LRRN1: variants seen among roughly 807,000 people sequenced by gnomAD.
LRRN1 encodes the protein leucine rich repeat neuronal 1, also known as leucine-rich repeat neuronal protein 1.
A neutral mutation model predicts 45.8 loss-of-function variants in LRRN1; 14 were observed. The observed-to-expected ratio is 0.31, with a 90% CI of 0.20 to 0.48. The LOEUF (loss-of-function observed/expected upper bound fraction) is 0.48, where lower values mean the gene tolerates loss of function less well. LRRN1 is among the 20% of genes least tolerant of loss of function. The pLI, the probability that LRRN1 is intolerant of heterozygous loss-of-function variation, is 0.99. For missense variants in LRRN1, 789 were observed against 874.2 expected (o/e 0.90, Z 1.23); for synonymous variants, 359 against 330.1 (o/e 1.09, Z -0.95).
At chr3:3,835,528 A>G (rs1693490489) in intron 1 of LRRN1, among the ~76,000 whole-genome samples, 1 of 151,986 alleles carries the variant, frequency 6.6e-6, no homozygotes, top group Non-Finnish European at 1.5e-5. Flanking sequence ...TAATTCGAAT[A>G]CAGAACACTT....
rs544210687 is a variant in LRRN1, at chr3:3,833,926, A to G, written c.-278-10438A>G. The stretch of plus-strand genomic sequence containing the variant: ...AGTTGCAGGGTTGCATTCTTTTCCA[A>G]TCAGTGCCCTCACTTTAACAGTAGA... On this transcript the variant is annotated intron_variant, in intron 1 of 1. Coordinates refer to ENST00000319331, the MANE Select transcript of LRRN1 (RefSeq NM_020873.7). Among the ~76,000 whole-genome samples the G allele has an allele frequency of 1.7e-4, 26 of 152,228 alleles. No individual in the cohort carries two copies. The South Asian group carries it at 3.3e-3, about 19-fold the overall frequency.
At position 3,845,312 on chromosome 3, in the gene LRRN1, G is replaced by A; in HGVS notation, c.671G>A (p.Gly224Glu). 3 of 1,614,066 alleles carry A rather than the reference G, an allele frequency of 1.9e-6. No homozygotes were observed. Among genetic ancestry groups the A allele is most frequent in the Non-Finnish European group, 2.5e-6 (3 of 1,180,024 alleles). Residue 224 changes from glycine to glutamate, a missense_variant, in exon 2 of 2, where the codon GGA becomes GAA. Transcript: ENST00000319331. This position sits in a 1 kb window ranked among gnomAD's most constrained non-coding sequence, Gnocchi z 6.5. The stretch of plus-strand genomic sequence containing the variant: ...AATTTGAGAAGCTTAGTTTTGGCAG[G>A]AATGTATCTCACTGATATTCCTGGA... ...LANLRSLVLA[G>E]MYLTDIPGNA...
chr3:3,839,222 A>G (rs142713975), intron 1 of LRRN1, among the ~76,000 whole-genome samples: 1 of 152,150 alleles, frequency 6.6e-6, no homozygotes, highest in Non-Finnish European at 1.5e-5. Flanking sequence ...TTTCATGTAG[A>G]TATCCAGTTT....
At chr3:3,812,490 G>T (rs887665988) in intron 1 of LRRN1, among the ~76,000 whole-genome samples, 5 of 152,306 alleles carry the variant, frequency 3.3e-5, no homozygotes, top group African/African-American at 1.2e-4. Flanking sequence ...GTGTGGCTTA[G>T]AATAGAATAA....
chr3:3,837,797 C>T (rs756377032), intron 1 of LRRN1, among the ~76,000 whole-genome samples: 2 of 151,464 alleles, frequency 1.3e-5, no homozygotes, highest in Non-Finnish European at 2.9e-5. Flanking sequence ...TAAACGTGTG[C>T]CATGGTGGTT....
Position 3,845,432 on chromosome 3 carries a change from A to G in LRRN1, c.791A>G (p.Asn264Ser). 1 of 1,614,134 alleles carries G rather than the reference A, an allele frequency of 6.2e-7. No homozygotes were observed. Among genetic ancestry groups the G allele is most frequent in the African/African-American group, 1.3e-5 (1 of 75,026 alleles). ...CAACTTGCCCTGCAAAAAGTTCCAA[A>G]TTTGAAATTCTTAGACCTCAACAAA... ...VPQLALQKVP[N>S]LKFLDLNKNP... is the part of the protein sequence containing the mutation. The change falls in exon 2 of 2, where the codon AAT becomes AGT. Residue 264 changes from asparagine (N) to serine (S), a missense_variant. Asn to Ser is a conservative substitution (Grantham distance 46). Transcript: ENST00000319331. This position sits in a 1 kb window ranked among gnomAD's most constrained non-coding sequence, Gnocchi z 6.5.
Position 3,844,775 on chromosome 3 carries a change from C to G in LRRN1, c.134C>G (p.Thr45Ser). 3 of 1,614,118 alleles carry G rather than the reference C, an allele frequency of 1.9e-6. No homozygotes were observed. The highest frequency in any genetic ancestry group is 1.7e-6 in the Non-Finnish European group (2 of 1,180,010). The change falls in exon 2 of 2, where the codon ACC becomes AGC. Residue 45 changes from threonine to serine, a missense_variant. Physicochemically the swap from Thr to Ser is moderately conservative, Grantham distance 58. Coordinates refer to ENST00000319331, the MANE Select transcript of LRRN1 (RefSeq NM_020873.7). ...GTATGTGAAATTCGTCCCTGGTTTACCCCACAGTCAACTTACAGAGAAGCC... is the reference window on the plus strand; with the variant it reads ...GTATGTGAAATTCGTCCCTGGTTTAGCCCACAGTCAACTTACAGAGAAGCC... ...LCVCEIRPWF[T>S]PQSTYREATT...
chr3:3,844,968 C>T lies in LRRN1; in HGVS notation c.327C>T (p.Asn109=), dbSNP rs1693730383. 1.2e-6 allele frequency: 2 copies of T among 1,614,004 alleles called. No individual in the cohort carries two copies. The highest frequency in any genetic ancestry group is 1.3e-5 in the African/African-American group (1 of 74,932). ...ELDFSQNNFT[N]IKEVGLANLT... is the part of the protein sequence containing the mutation. ...ATTTCTCCCAAAACAACTTTACTAA[C>T]ATTAAGGAGGTCGGGCTGGCAAACC... Residue 109 remains asparagine (N), a synonymous_variant, in exon 2 of 2, where the codon AAC becomes AAT. Coordinates refer to ENST00000319331, the MANE Select transcript of LRRN1 (RefSeq NM_020873.7).
At chr3:3,806,005 G>C (rs981304245) in intron 1 of LRRN1, among the ~76,000 whole-genome samples, 2 of 152,158 alleles carry the variant, frequency 1.3e-5, no homozygotes, top group African/African-American at 4.8e-5. Flanking sequence ...ACTCTGCACA[G>C]AGGATTTCAA....
At chr3:3,806,558 A>G (rs1447139352) in intron 1 of LRRN1, among the ~76,000 whole-genome samples, 1 of 152,174 alleles carries the variant, frequency 6.6e-6, no homozygotes, top group African/African-American at 2.4e-5. Flanking sequence ...GTTGGTCAGA[A>G]TTCAGTGTGT....
chr3:3,807,135 C>T (rs1021685757), intron 1 of LRRN1, among the ~76,000 whole-genome samples: 1 of 152,180 alleles, frequency 6.6e-6, no homozygotes, highest in African/African-American at 2.4e-5. Flanking sequence ...GAAACTTAAG[C>T]TGGGTTTCCC....
intron 1 of LRRN1, among the ~76,000 whole-genome samples, chr3:3,804,943 T>C (rs1692724379): frequency 6.6e-6 from 1 of 152,222 alleles, no homozygotes; most frequent in South Asian, 2.1e-4. Flanking sequence ...AGAGCCATCC[T>C]ACAGTGGTGT....
At chr3:3,800,607 C>CCCAGAAGGAG in intron 1 of LRRN1, 2 of 123,946 alleles carry the variant, frequency 1.6e-5, no homozygotes, top group African/African-American at 6.3e-5. Context: ...GAGCCTTGAG[C>CCCAGAAGGAG]TCCACGCGGG....
rs528752827 is a variant in LRRN1, at chr3:3,819,244, C to T, written c.-279+19325C>T. 1.4e-4 allele frequency among the ~76,000 whole-genome samples: 21 copies of T among 152,262 alleles called. No homozygotes were observed. The South Asian group carries it at 2.3e-3, about 17-fold the overall frequency. On this transcript the variant is annotated intron_variant, in intron 1 of 1. Transcript: ENST00000319331. ...TCAAGCAAGCCTCCTGCCTCAGCTTCCCAAAGCACTGGAATTACAGGTGTG... is the reference window on the plus strand; with the variant it reads ...TCAAGCAAGCCTCCTGCCTCAGCTTTCCAAAGCACTGGAATTACAGGTGTG...
rs1220871251 is a variant in LRRN1, at chr3:3,800,307, C to T, written c.-279+388C>T. 2.0e-5 allele frequency among the ~76,000 whole-genome samples: 3 copies of T among 151,894 alleles called. No individual in the cohort carries two copies. In the South Asian group the frequency reaches 6.3e-4, roughly 32 times the overall value. On this transcript the variant is annotated intron_variant, in intron 1 of 1. Transcript: ENST00000319331. ...GGGAGGAGGGCTGCCGGGATGTGAA[C>T]CGGGGAAGGCAGCTGGGGCTGGAGA...
intron 1 of LRRN1, among the ~76,000 whole-genome samples, chr3:3,808,325 C>A (rs1372036546): frequency 6.6e-6 from 1 of 152,166 alleles, no homozygotes; most frequent in East Asian, 1.9e-4. Context: ...GCATTAACTC[C>A]TTTAATCCTT....
Position 3,800,833 on chromosome 3 carries a change from A to G in LRRN1, c.-279+914A>G, listed in dbSNP as rs1692634988. 4 of 152,644 alleles carry G rather than the reference A, an allele frequency of 2.6e-5. No homozygotes were observed. In the South Asian group the frequency reaches 8.3e-4, roughly 31 times the overall value. 9.5% of individuals were successfully genotyped at this position (152,644 alleles called of 1,614,324 possible). A position where few individuals can be genotyped will look rare whatever the true frequency, so the allele number is the denominator to read the frequency against. ...GAGGGAAGCCTCAGCCCCGCCAGGAACAGAGCTGGCGCTGAGTTCCCGGCT... is the reference window on the plus strand; with the variant it reads ...GAGGGAAGCCTCAGCCCCGCCAGGAGCAGAGCTGGCGCTGAGTTCCCGGCT... On this transcript the variant is annotated intron_variant, in intron 1 of 1. Coordinates refer to ENST00000319331, the MANE Select transcript of LRRN1 (RefSeq NM_020873.7).
rs1243002402 is a variant in LRRN1 at position 3,844,457 on chromosome 3, T to C, written c.-185T>C. ...AGAGACACAGTTAAAAGACTCCAAG[T>C]TGCTTTCTGCCTTTTGAAAACTCCT... On this transcript the variant is annotated 5_prime_UTR_variant, in exon 2 of 2. Transcript: ENST00000319331. The C allele has an allele frequency of 1.8e-6, 1 of 565,752 alleles. No homozygotes were observed. The highest frequency in any genetic ancestry group is 1.9e-5 in the African/African-American group (1 of 53,392). 35.0% of individuals were successfully genotyped at this position (565,752 alleles called of 1,614,324 possible).
intron 1 of LRRN1, among the ~76,000 whole-genome samples, chr3:3,811,567 A>G (rs1394056568): frequency 6.6e-6 from 1 of 152,242 alleles, no homozygotes; most frequent in Non-Finnish European, 1.5e-5. Context: ...GTATTTTGGT[A>G]GAAAATGAGT....
Sources: gnomAD v4.1 joint callset for allele counts (sites outside exome capture counted in the v4.1 genomes callset) on GRCh38, gnomAD v4.1.1 for gene constraint, Gnocchi (gnomAD v3.1) non-coding constraint, MANE v1.5 for transcripts, NCBI Gene and HGNC (gene_info 2026-07-23, HGNC 2026-07-21) for gene names.